Variants in CHP2 observed in about 807,000 individuals in gnomAD.
CHP2 encodes calcineurin like EF-hand protein 2, also known as calcineurin B homologous protein 2.
Under a neutral mutation model 24.7 loss-of-function variants are expected in CHP2, and 31 were observed. That is an observed-to-expected ratio of 1.26 (90% confidence interval 0.94 to 1.69). The LOEUF is 1.69. Ranked by LOEUF, CHP2 falls within the 40% of genes most tolerant of loss-of-function variation. CHP2 has a pLI of 0.00. For synonymous variants in CHP2, 97 were observed against 99.1 expected (o/e 0.98, Z 0.13); for missense variants, 319 against 261.5 (o/e 1.22, Z -1.52).
In CHP2 at chr16:23,757,938, GT is replaced by G; in HGVS notation, c.*359del. Reference sequence around the variant, plus strand: ...TAGAATCAGCAGGAGCCCTGAGCTTGTTTTCCTGCAATTAGACGGTCCCATA... The same window carrying G: ...TAGAATCAGCAGGAGCCCTGAGCTTGTTTCCTGCAATTAGACGGTCCCATA... On this transcript the variant is annotated 3_prime_UTR_variant, in exon 7 of 7. Transcript: ENST00000300113. 2.7e-6 allele frequency: 1 copy of G among 370,218 alleles called. No individual in the cohort carries two copies. Among genetic ancestry groups the G allele is most frequent in the South Asian group, 2.3e-5 (1 of 42,726 alleles). The allele number at this position is 370,218 out of a possible 1,614,324, so 22.9% of individuals were successfully genotyped here. A position where few individuals can be genotyped will look rare whatever the true frequency, so the allele number is the denominator to read the frequency against.
chr16:23,756,367 C>T, intron 4 of CHP2, 21 bp from the exon 5 acceptor site: 1 of 1,607,830 alleles, frequency 6.2e-7, no homozygotes, highest in East Asian at 2.2e-5. Flanking sequence ...CCTTCCTTTC[C>T]CCCTCCCACC....
At chr16:23,755,788 C>T in intron 2 of CHP2, 55 bp downstream of exon 2, 2 of 1,612,922 alleles carry the variant, frequency 1.2e-6, no homozygotes, top group Non-Finnish European at 1.7e-6. Context: ...ACTCCATGTC[C>T]CTCTTTGACC....
chr16:23,756,437 T>C lies in CHP2; in HGVS notation c.402T>C (p.His134=). The change falls in exon 5 of 7, where the codon CAT becomes CAC. Residue 134 remains histidine, a synonymous_variant. Coordinates refer to ENST00000300113, the MANE Select transcript of CHP2 (RefSeq NM_022097.4). ...DLDRDGKISR[H]EMLQVLRLMV... is the part of the protein sequence containing the mutation. ...ATCGCGATGGGAAGATCTCCAGGCATGAGATGCTGCAGGTTGGCAGAAAGC... is the reference window on the plus strand; with the variant it reads ...ATCGCGATGGGAAGATCTCCAGGCACGAGATGCTGCAGGTTGGCAGAAAGC... 3 of 1,613,440 alleles carry C rather than the reference T, an allele frequency of 1.9e-6. No individual in the cohort carries two copies. The highest frequency in any genetic ancestry group is 2.2e-5 in the East Asian group (1 of 44,852).
At chr16:23,757,179 T>A (rs1182017498) in intron 5 of CHP2, 22 bp from the exon 6 acceptor site, 15 of 1,613,880 alleles carry the variant, frequency 9.3e-6, no homozygotes, top group Non-Finnish European at 1.2e-5. Flanking sequence ...TCCTTATGGC[T>A]GCCTCTTCAC....
In CHP2 at chr16:23,757,222, G is replaced by T; in HGVS notation, c.436G>T (p.Val146Leu). 1 of 1,614,044 alleles carries T rather than the reference G, an allele frequency of 6.2e-7. No individual in the cohort carries two copies. Among genetic ancestry groups the T allele is most frequent in the Non-Finnish European group, 8.5e-7 (1 of 1,180,004 alleles). ...MLQVLRLMVG[V>L]QVTEEQLENI... Reference sequence around the variant, plus strand: ...TCAGGTTCTCCGTCTGATGGTTGGGGTACAGGTGACAGAAGAGCAGCTGGA... The same window carrying T: ...TCAGGTTCTCCGTCTGATGGTTGGGTTACAGGTGACAGAAGAGCAGCTGGA... Residue 146 changes from valine to leucine, a missense_variant, in exon 6 of 7, where the codon GTA becomes TTA. Transcript: ENST00000300113.
In CHP2 at chr16:23,758,702, G is replaced by A. The variant is rs1320205389; in HGVS notation, c.*1119G>A. On this transcript the variant is annotated 3_prime_UTR_variant, in exon 7 of 7. Coordinates refer to ENST00000300113, the MANE Select transcript of CHP2 (RefSeq NM_022097.4). ...CAGGGAAATAAGGTCTGAGGATTCAGGATGGGGTGAAAGGTGGTTGCTTAA... is the reference window on the plus strand; with the variant it reads ...CAGGGAAATAAGGTCTGAGGATTCAAGATGGGGTGAAAGGTGGTTGCTTAA... 1 of 152,306 alleles carries A rather than the reference G, an allele frequency of 6.6e-6. No homozygotes were observed. Among genetic ancestry groups the A allele is most frequent in the African/African-American group, 2.4e-5 (1 of 41,442 alleles). 9.4% of individuals were successfully genotyped at this position (152,306 alleles called of 1,614,324 possible).
At chr16:23,755,825 TC>T in intron 2 of CHP2, 21 bp from the exon 3 acceptor site, 1 of 1,614,126 alleles carries the variant, frequency 6.2e-7, no homozygotes, top group Non-Finnish European at 8.5e-7. Context: ...TGCCTTACCC[TC>T]TTTGAAATTT....
rs772553381 is a variant in CHP2 at position 23,756,044 on chromosome 16, T to C, written c.222-19T>C. 1.1e-5 allele frequency: 18 copies of C among 1,613,878 alleles called. No homozygotes were observed. The South Asian group carries it at 1.3e-4, about 12-fold the overall frequency. ...CCAAGGTGACCACCACCTCTTTCCA[T>C]TCTGTCCCGTCTCCCCAGGAGCCAG... On this transcript the variant is annotated intron_variant, in intron 3 of 6. Transcript: ENST00000300113.
At chr16:23,756,276 C>A in intron 4 of CHP2, 83 bp downstream of exon 4, 1 of 1,591,298 alleles carries the variant, frequency 6.3e-7, no homozygotes, top group Non-Finnish European at 8.6e-7. Flanking sequence ...CACTCCCTTC[C>A]TGAGGGCATT....
In CHP2 at chr16:23,756,206, G is replaced by C. The variant is rs772968827; in HGVS notation, c.352+13G>C. On this transcript the variant is annotated intron_variant, in intron 4 of 6. Transcript: ENST00000300113. Reference sequence around the variant, plus strand: ...AACAAACTTCACTGTGAGTTTGTGAGGACCTGCACAAGTGAGAATGCAGAT... The same window carrying C: ...AACAAACTTCACTGTGAGTTTGTGACGACCTGCACAAGTGAGAATGCAGAT... The C allele has an allele frequency of 6.2e-7, 1 of 1,613,530 alleles. No homozygotes were observed. Among genetic ancestry groups the C allele is most frequent in the Non-Finnish European group, 8.5e-7 (1 of 1,179,976 alleles).
rs577797485 is a variant in CHP2 at position 23,755,712 on chromosome 16, G to A, written c.119G>A (p.Arg40Lys). 9.6e-5 allele frequency: 155 copies of A among 1,614,192 alleles called. 3 individuals carry two copies. In the East Asian group the frequency reaches 3.1e-3, roughly 32 times the overall value. The change falls in exon 2 of 7, where the codon AGG becomes AAG. Residue 40 changes from arginine to lysine, a missense_variant. Coordinates refer to ENST00000300113, the MANE Select transcript of CHP2 (RefSeq NM_022097.4). ...RLHHRFRALD[R>K]NKKGYLSRMD... Reference sequence around the variant, plus strand: ...CACCACCGGTTCCGGGCACTGGACAGGAATAAGAAGGGCTACCTGAGGTGA... The same window carrying A: ...CACCACCGGTTCCGGGCACTGGACAAGAATAAGAAGGGCTACCTGAGGTGA...
chr16:23,755,579 C>A, intron 1 of CHP2, 82 bp from the exon 2 acceptor site: 1 of 1,224,076 alleles, frequency 8.2e-7, no homozygotes, highest in South Asian at 1.2e-5. Flanking sequence ...CTGTTCTGGC[C>A]CATCTTCCTG....
At position 23,758,931 on chromosome 16, in the gene CHP2, C is replaced by A. The variant is rs1961263204; in HGVS notation, c.*1348C>A. The stretch of plus-strand genomic sequence containing the variant: ...ATGTAAAAATAATAAACAATATATA[C>A]CTTCCTAGAGTGTGAATGCATTCGA... On this transcript the variant is annotated 3_prime_UTR_variant, in exon 7 of 7. Transcript: ENST00000300113. The A allele has an allele frequency of 6.6e-6, 1 of 152,112 alleles. No individual in the cohort carries two copies. Among genetic ancestry groups the A allele is most frequent in the Non-Finnish European group, 1.5e-5 (1 of 68,024 alleles). 9.4% of individuals were successfully genotyped at this position (152,112 alleles called of 1,614,324 possible).
Position 23,757,784 on chromosome 16 carries a change from T to C in CHP2, c.*201T>C. 1.6e-6 allele frequency: 1 copy of C among 612,842 alleles called. No individual in the cohort carries two copies. Among genetic ancestry groups the C allele is most frequent in the Non-Finnish European group, 2.9e-6 (1 of 340,938 alleles). 38.0% of individuals were successfully genotyped at this position (612,842 alleles called of 1,614,324 possible). A position where few individuals can be genotyped will look rare whatever the true frequency, so the allele number is the denominator to read the frequency against. ...CCAACCTTTTTGGCATCAGGGACAG[T>C]TTTTCCACGGATGGGTGACAGGGGA... On this transcript the variant is annotated 3_prime_UTR_variant, in exon 7 of 7. Coordinates refer to ENST00000300113, the MANE Select transcript of CHP2 (RefSeq NM_022097.4).
rs757218305 is a variant in CHP2, at chr16:23,755,944, G to T, written c.221+17G>T. ...CCCCGATGGGTGAGGCTTGCTGGGC[G>T]TGGGGAGGTGAAGGCGGGAAAACCG... On this transcript the variant is annotated intron_variant, in intron 3 of 6. Coordinates refer to ENST00000300113, the MANE Select transcript of CHP2 (RefSeq NM_022097.4). 3.1e-6 allele frequency: 5 copies of T among 1,614,124 alleles called. No individual in the cohort carries two copies. The South Asian group carries it at 5.5e-5, about 18-fold the overall frequency.
chr16:23,756,417 G>T lies in CHP2; in HGVS notation c.382G>T (p.Asp128Tyr), dbSNP rs79455352. 1,805 of 1,613,956 alleles carry T rather than the reference G, an allele frequency of 1.1e-3. 21 individuals are homozygous for T. In the East Asian group the frequency reaches 0.032, roughly 28 times the overall value. The change falls in exon 5 of 7, where the codon GAT becomes TAT. Residue 128 changes from aspartate (D) to tyrosine (Y), a missense_variant. Transcript: ENST00000300113. Reference protein sequence around the residue: ...YAFQLYDLDRDGKISRHEMLQ... With the variant: ...YAFQLYDLDRYGKISRHEMLQ... ...ATTTCAGCTCTATGACCTGGATCGC[G>T]ATGGGAAGATCTCCAGGCATGAGAT... is the stretch of plus-strand genomic sequence containing the variant.
In CHP2 at chr16:23,757,550, T is replaced by C. The variant is rs1196273913; in HGVS notation, c.558T>C (p.Val186=). The part of the protein sequence containing the change: ...EFTKSLEKMD[V]EQKMSIRILK ...CTCAGTCCTTAGAGAAGATGGACGT[T>C]GAGCAAAAAATGAGCATCCGGATCC... The change falls in exon 7 of 7, where the codon GTT becomes GTC. Residue 186 remains valine, a synonymous_variant. Transcript: ENST00000300113. The C allele has an allele frequency of 1.9e-6, 3 of 1,614,102 alleles. No homozygotes were observed. The highest frequency in any genetic ancestry group is 1.7e-5 in the Admixed American group (1 of 60,012).
Sources: allele counts gnomAD v4.1 joint callset, GRCh38; gene constraint gnomAD v4.1.1; transcripts MANE v1.5; gene names NCBI Gene and HGNC (gene_info 2026-07-23, HGNC 2026-07-21).